ARAP1: variants seen among roughly 807,000 people sequenced by gnomAD.
ARAP1 encodes ArfGAP with RhoGAP domain, ankyrin repeat and PH domain 1.
ARAP1 carries 76 observed loss-of-function variants against 172.2 expected under a neutral mutation model. That is an observed-to-expected ratio of 0.44 (90% CI 0.37 to 0.53). ARAP1 has a LOEUF of 0.53. ARAP1 is among the 20% of genes least tolerant of loss of function. The pLI, the probability that ARAP1 is intolerant of heterozygous loss-of-function variation, is 0.00. For synonymous variants in ARAP1, 804 were observed against 803.3 expected, an observed-to-expected ratio of 1.00 and a Z score of -0.01; for missense variants, 1,686 against 1,977.5, an observed-to-expected ratio of 0.85 and a Z score of 2.80.
intron 1 of ARAP1, among the ~76,000 whole-genome samples, chr11:72,745,107 T>C (rs1211266879): frequency 6.6e-6 from 1 of 151,288 alleles, no homozygotes; most frequent in Non-Finnish European, 1.5e-5. Flanking sequence ...CCATTCTCCC[T>C]ACCAGGCACA....
At position 72,697,359 on chromosome 11, in the gene ARAP1, TCA is replaced by T; in HGVS notation, c.2915_2916del (p.Val972AspfsTer54). ...ATGTAGTCCACACAGCGGTACACGA[TCA>T]CCGGGATATCCGAGTCCCCAAGCTG... is the stretch of plus-strand genomic sequence containing the variant. ...EQQLGDSDIP[V>X]IVYRCVDYIT... On this transcript the variant is annotated frameshift_variant, in exon 21 of 35. Coordinates refer to ENST00000393609, the MANE Select transcript of ARAP1 (RefSeq NM_001040118.3). LOFTEE classifies it high-confidence loss of function. The T allele has an allele frequency of 6.2e-7, 1 of 1,603,434 alleles. No individual in the cohort carries two copies. Among genetic ancestry groups the T allele is most frequent in the Non-Finnish European group, 8.5e-7 (1 of 1,175,332 alleles).
intron 3 of ARAP1, among the ~76,000 whole-genome samples, chr11:72,716,738 C>T (rs544781589): frequency 6.6e-6 from 1 of 152,356 alleles, no homozygotes; most frequent in Non-Finnish European, 1.5e-5. Flanking sequence ...TGAGCTGTCA[C>T]TTGGAGGGCC....
At chr11:72,696,781 G>T (rs1389323232) in intron 22 of ARAP1, 127 bp from the exon 23 acceptor site, 1 of 951,096 alleles carries the variant, frequency 1.1e-6, no homozygotes, top group African/African-American at 1.7e-5. Context: ...ATGCAGGCCA[G>T]GCATTCAACC....
intron 11 of ARAP1, chr11:72,708,046 G>C (rs1264257880): frequency 6.6e-6 from 1 of 151,916 alleles, no homozygotes; most frequent in Non-Finnish European, 1.5e-5. Flanking sequence ...TTCAGGGTGG[G>C]AGGCCCTGGT....
chr11:72,745,355 ATTTTTTTT>A (rs35656290), intron 1 of ARAP1, among the ~76,000 whole-genome samples: 12 of 110,740 alleles, frequency 1.1e-4, no homozygotes, highest in Middle Eastern at 4.6e-3. Flanking sequence ...CGTCCGGCTA[ATTTTTTTT>A]TTTTTTTTTT....
intron 1 of ARAP1, among the ~76,000 whole-genome samples, chr11:72,743,604 G>A (rs1422802988): frequency 6.6e-6 from 1 of 152,180 alleles, no homozygotes; most frequent in African/African-American, 2.4e-5. Flanking sequence ...CAGGTGTCAA[G>A]GTTCAGCCTG....
chr11:72,712,152 C>A (rs201875972), intron 7 of ARAP1, 44 bp downstream of exon 7: 16 of 1,506,570 alleles, frequency 1.1e-5, no homozygotes, highest in Non-Finnish European at 1.3e-5. Context: ...CTGCCCCCCA[C>A]CCCCCCATGC....
chr11:72,706,357 C>T (rs2135529620), intron 12 of ARAP1, among the ~76,000 whole-genome samples: 1 of 152,108 alleles, frequency 6.6e-6, no homozygotes, highest in Middle Eastern at 3.4e-3. Context: ...GGCATGTCAC[C>T]TCCTCAGAGA....
intron 5 of ARAP1, chr11:72,712,923 G>T (rs567678119): frequency 8.5e-5 from 51 of 596,534 alleles, no homozygotes; most frequent in Admixed American, 3.3e-4. Context: ...CACACAGGGT[G>T]GGGGGAGGCC....
chr11:72,751,177 G>T (rs1858520798), intron 1 of ARAP1, among the ~76,000 whole-genome samples: 1 of 152,066 alleles, frequency 6.6e-6, no homozygotes, highest in Admixed American at 6.5e-5. Flanking sequence ...AGTAGCCAAT[G>T]GGGAGGCAAG....
chr11:72,732,137 A>G (rs1319322926), intron 2 of ARAP1, among the ~76,000 whole-genome samples: 1 of 152,142 alleles, frequency 6.6e-6, no homozygotes, highest in African/African-American at 2.4e-5. Flanking sequence ...ATTTTGTATC[A>G]TTTTCCAAAA....
chr11:72,715,653 C>G (rs1364188962), intron 3 of ARAP1, among the ~76,000 whole-genome samples: 1 of 151,568 alleles, frequency 6.6e-6, no homozygotes, highest in Non-Finnish European at 1.5e-5. Context: ...TCACTGCAGC[C>G]TCAAACTCCC....
intron 15 of ARAP1, among the ~76,000 whole-genome samples, chr11:72,702,670 G>A (rs1856541559): frequency 1.3e-5 from 2 of 152,226 alleles, no homozygotes; most frequent in East Asian, 3.8e-4. Context: ...GCCATCCTGA[G>A]GGGCCCACAC....
chr11:72,723,780 G>A (rs892641347), intron 3 of ARAP1, among the ~76,000 whole-genome samples: 1 of 152,170 alleles, frequency 6.6e-6, no homozygotes, highest in Non-Finnish European at 1.5e-5. Flanking sequence ...GGCCTATTAG[G>A]CATCCAGCAC....
intron 19 of ARAP1, 40 bp from the exon 20 acceptor site, chr11:72,697,689 C>A: frequency 6.2e-7 from 1 of 1,611,972 alleles, no homozygotes; most frequent in Middle Eastern, 1.7e-4. Flanking sequence ...AGGTCTTGCT[C>A]CTGATCCCCA....
intron 6 of ARAP1, 38 bp downstream of exon 6, chr11:72,712,400 G>A (rs1857060867): frequency 6.5e-7 from 1 of 1,548,706 alleles, no homozygotes; most frequent in African/African-American, 1.4e-5. Context: ...GCGGGCTGAG[G>A]TTGGGCTCAG....
chr11:72,732,975 C>G (rs974845139), intron 1 of ARAP1, among the ~76,000 whole-genome samples: 7 of 151,462 alleles, frequency 4.6e-5, no homozygotes, highest in Non-Finnish European at 8.8e-5. Context: ...AGAGCCAGAC[C>G]CTGTCTCAAA....
Position 72,695,516 on chromosome 11 carries a change from C to G in ARAP1, c.3507+26G>C. On this transcript the variant is annotated intron_variant, in intron 25 of 34. Transcript: ENST00000393609. This position sits in a 1 kb window ranked among gnomAD's most constrained non-coding sequence, Gnocchi z 4.4. Reference sequence around the variant, plus strand: ...AATGGGTGCAGGTGGCAGGTCCAAGCCCCCCACCCAGGCTCCAGCCTTCAC... The same window carrying G: ...AATGGGTGCAGGTGGCAGGTCCAAGGCCCCCACCCAGGCTCCAGCCTTCAC... 1 of 1,613,888 alleles carries G rather than the reference C, an allele frequency of 6.2e-7. No individual in the cohort carries two copies. The highest frequency in any genetic ancestry group is 1.1e-5 in the South Asian group (1 of 90,948).
At chr11:72,696,898 A>G in intron 22 of ARAP1, 85 bp downstream of exon 22, 4 of 1,379,422 alleles carry the variant, frequency 2.9e-6, no homozygotes, top group Non-Finnish European at 3.9e-6. Flanking sequence ...GGGTAAGCCT[A>G]GTGCAAGTGC....
Sources: allele counts gnomAD v4.1 joint callset (sites outside exome capture counted in the v4.1 genomes callset), GRCh38; gene constraint gnomAD v4.1.1; non-coding constraint Gnocchi (gnomAD v3.1); transcripts MANE v1.5; gene names NCBI Gene and HGNC (gene_info 2026-07-23, HGNC 2026-07-21).